The following PAWR variants were observed in gnomAD, a reference collection of about 807,000 sequenced individuals.
PAWR encodes pro-apoptotic WT1 regulator.
In PAWR, 23 loss-of-function variants were observed where a neutral mutation model predicts 32.0. That is an observed-to-expected ratio of 0.72 (90% CI 0.52 to 1.02). The LOEUF (loss-of-function observed/expected upper bound fraction) is 1.02. Among genes scored for constraint, PAWR ranks in the 50% least tolerant of loss-of-function variants. PAWR has a pLI of 0.00. For synonymous variants in PAWR, 226 were observed against 187.1 expected (o/e 1.21, Z -1.70); for missense variants, 457 against 437.7 (o/e 1.04, Z -0.39).
chr12:79,662,195 A>ATC (rs1351828442), intron 2 of PAWR, among the ~76,000 whole-genome samples: 1 of 123,492 alleles, frequency 8.1e-6, no homozygotes, highest in Non-Finnish European at 1.5e-5. Context: ...ATACTGAGAC[A>ATC]TCTCTCAAAA....
intron 2 of PAWR, among the ~76,000 whole-genome samples, chr12:79,634,204 T>A (rs1006247153): frequency 1.3e-5 from 2 of 152,140 alleles, no homozygotes; most frequent in Non-Finnish European, 2.9e-5. Context: ...CTGAAAACAG[T>A]TTTCAAAATA....
intron 5 of PAWR, among the ~76,000 whole-genome samples, chr12:79,594,774 C>T (rs1873686484): frequency 6.6e-6 from 1 of 152,010 alleles, no homozygotes. Flanking sequence ...GGCTGGAGTG[C>T]AATGGCACCT....
At chr12:79,686,510 T>A (rs547033573) in intron 2 of PAWR, among the ~76,000 whole-genome samples, 1 of 152,222 alleles carries the variant, frequency 6.6e-6, no homozygotes, top group African/African-American at 2.4e-5. Context: ...CTGGGATCCA[T>A]CCCAGACCCA....
chr12:79,638,831 A>T (rs1876101618), intron 2 of PAWR, among the ~76,000 whole-genome samples: 1 of 109,100 alleles, frequency 9.2e-6, no homozygotes, highest in Non-Finnish European at 1.9e-5. Flanking sequence ...ATTATATATA[A>T]ACATATATAC....
chr12:79,649,523 A>G (rs1298060161), intron 2 of PAWR, among the ~76,000 whole-genome samples: 7 of 152,196 alleles, frequency 4.6e-5, no homozygotes, highest in Non-Finnish European at 1.5e-5. Flanking sequence ...TCAGTGGCTC[A>G]TGCTTGTAAT....
chr12:79,615,923 G>T (rs1874709540), intron 3 of PAWR, among the ~76,000 whole-genome samples: 1 of 151,904 alleles, frequency 6.6e-6, no homozygotes, highest in Non-Finnish European at 1.5e-5. Flanking sequence ...TGGGTGAAGT[G>T]GCGTGTGCCT....
At chr12:79,677,608 T>C (rs1878232501) in intron 2 of PAWR, among the ~76,000 whole-genome samples, 1 of 152,188 alleles carries the variant, frequency 6.6e-6, no homozygotes, top group African/African-American at 2.4e-5. Context: ...TTTTGCACAA[T>C]CCTAGATTTG....
At chr12:79,606,643 T>G (rs975574731) in intron 4 of PAWR, among the ~76,000 whole-genome samples, 2 of 152,170 alleles carry the variant, frequency 1.3e-5, no homozygotes, top group South Asian at 4.1e-4. Flanking sequence ...GAAAAAAATC[T>G]AGTTACTGGT....
At chr12:79,647,622 T>C (rs1262945952) in intron 2 of PAWR, among the ~76,000 whole-genome samples, 3 of 152,246 alleles carry the variant, frequency 2.0e-5, no homozygotes, top group African/African-American at 4.8e-5. Context: ...GAACTTCTAC[T>C]ACATGCTAGG....
At chr12:79,681,028 T>G (rs147116770) in intron 2 of PAWR, among the ~76,000 whole-genome samples, 3 of 151,064 alleles carry the variant, frequency 2.0e-5, no homozygotes, top group Non-Finnish European at 4.4e-5. Flanking sequence ...CGTGGGAGGA[T>G]CTCTTGAACT....
Position 79,619,563 on chromosome 12 carries a change from T to A in PAWR, c.648+1513A>T, listed in dbSNP as rs2136712483. The stretch of plus-strand genomic sequence containing the variant: ...TATAGCGTTCAGTACTATCTATGAT[T>A]TCAGGCATCCATTGGAGGTCTTGGA... On this transcript the variant is annotated intron_variant, in intron 3 of 6. Transcript: ENST00000328827. 2.0e-5 allele frequency among the ~76,000 whole-genome samples: 3 copies of A among 152,350 alleles called. No individual in the cohort carries two copies. In the Middle Eastern group the frequency reaches 0.01, roughly 518 times the overall value.
At chr12:79,612,996 T>C (rs558189271) in intron 4 of PAWR, among the ~76,000 whole-genome samples, 33 of 152,270 alleles carry the variant, frequency 2.2e-4, no homozygotes, top group African/African-American at 6.0e-4. Context: ...TGGGAGATAA[T>C]TGGGTTTAAA....
At chr12:79,597,354 G>T (rs73360710) in intron 4 of PAWR, among the ~76,000 whole-genome samples, 4 of 152,116 alleles carry the variant, frequency 2.6e-5, no homozygotes, top group African/African-American at 9.7e-5. Context: ...TGTGAGCATT[G>T]TGCCTGGCCT....
rs1873359185 is a variant in PAWR, at chr12:79,585,393, A to G, written c.*7214T>C. 1 of 208,014 alleles carries G rather than the reference A, an allele frequency of 4.8e-6. No homozygotes were observed. The highest frequency in any genetic ancestry group is 2.4e-5 in the African/African-American group (1 of 42,380). 12.9% of individuals were successfully genotyped at this position (208,014 alleles called of 1,614,324 possible). On this transcript the variant is annotated 3_prime_UTR_variant, in exon 7 of 7. Coordinates refer to ENST00000328827, the MANE Select transcript of PAWR (RefSeq NM_002583.4). ...TGTATTTCTAACAGGTTTCTAAGTGAAGTCAATGCTACTGGTGTCAGAAAC... is the reference window on the plus strand; with the variant it reads ...TGTATTTCTAACAGGTTTCTAAGTGGAGTCAATGCTACTGGTGTCAGAAAC...
At chr12:79,664,466 G>A (rs575393638) in intron 2 of PAWR, among the ~76,000 whole-genome samples, 1 of 152,144 alleles carries the variant, frequency 6.6e-6, no homozygotes, top group Non-Finnish European at 1.5e-5. Context: ...TTAATACCAA[G>A]TTTTTATACT....
chr12:79,646,083 G>T (rs570631047), intron 2 of PAWR, among the ~76,000 whole-genome samples: 2 of 152,000 alleles, frequency 1.3e-5, no homozygotes, highest in Non-Finnish European at 2.9e-5. Flanking sequence ...GTTTTTTTCA[G>T]AGTTTGGAAT....
At chr12:79,643,492 C>G (rs1876430352) in intron 2 of PAWR, among the ~76,000 whole-genome samples, 1 of 152,154 alleles carries the variant, frequency 6.6e-6, no homozygotes, top group Non-Finnish European at 1.5e-5. Flanking sequence ...ACAAAGACAA[C>G]ACTTGAAAGA....
rs1188444309 is a variant in PAWR at position 79,640,850 on chromosome 12, A to AGAAACTAT, written c.517-19651_517-19644dup. Among the ~76,000 whole-genome samples the AGAAACTAT allele has an allele frequency of 6.4e-4, 98 of 152,364 alleles. 1 individual carries two copies. Among genetic ancestry groups the AGAAACTAT allele is most frequent in the Admixed American group, 6.3e-3 (97 of 15,306 alleles). On this transcript the variant is annotated intron_variant, in intron 2 of 6. Transcript: ENST00000328827. ...TTGGGAACACAGGGATACATATTAA[A>AGAAACTAT]GAAACTATGTCCTATAATAGTTTGA...
intron 2 of PAWR, among the ~76,000 whole-genome samples, chr12:79,663,144 G>GC (rs1877428207): frequency 2.0e-5 from 3 of 152,158 alleles, no homozygotes; most frequent in African/African-American, 7.2e-5. Context: ...AATGCATAAG[G>GC]TGTTCAGTAG....
Sources: gnomAD v4.1 joint callset for allele counts (sites outside exome capture counted in the v4.1 genomes callset) on GRCh38, gnomAD v4.1.1 for gene constraint, MANE v1.5 for transcripts, NCBI Gene and HGNC (gene_info 2026-07-23, HGNC 2026-07-21) for gene names.